DIAPH2: variants seen among roughly 807,000 people sequenced by gnomAD.
The protein encoded by DIAPH2 is protein diaphanous homolog 2.
A neutral mutation model predicts 92.7 loss-of-function variants in DIAPH2; 35 were observed. That is an observed-to-expected ratio of 0.38 (90% CI 0.29 to 0.50). DIAPH2 has a LOEUF of 0.50. Among genes scored for constraint, DIAPH2 ranks in the 20% least tolerant of loss-of-function variants. DIAPH2 has a pLI of 0.94. For synonymous variants in DIAPH2, 301 were observed against 280.4 expected (o/e 1.07, Z -0.73); for missense variants, 701 against 819.5 (o/e 0.86, Z 1.77).
Position 96,943,822 on chromosome X carries a change from G to A in DIAPH2, c.1444+1686G>A, listed in dbSNP as rs745449671. 1.4e-3 allele frequency among the ~76,000 whole-genome samples: 161 copies of A among 111,222 alleles called. 2 individuals carry two copies. In the Admixed American group the frequency reaches 0.015, roughly 11 times the overall value. ...TCAAAAGTGTTGGGTGAGGAGAGAC[G>A]AACGGATCAGGTGAGAGAGGATAGT... On this transcript the variant is annotated intron_variant, in intron 13 of 26. Coordinates refer to ENST00000324765, the MANE Select transcript of DIAPH2 (RefSeq NM_006729.5).
rs1047164743 is a variant in DIAPH2 at position 96,899,424 on chromosome X, C to T, written c.588-12904C>T. Among the ~76,000 whole-genome samples the T allele has an allele frequency of 1.4e-3, 155 of 110,579 alleles. 1 individual carries two copies. The highest frequency in any genetic ancestry group is 4.8e-3 in the African/African-American group (147 of 30,401). ...TCATTGAGCAGTGGTTTGTAGTTCT[C>T]CTTGAAGAGGTCCTTCACATCCCTT... On this transcript the variant is annotated intron_variant, in intron 5 of 26. Transcript: ENST00000324765.
intron 26 of DIAPH2, among the ~76,000 whole-genome samples, chrX:97,538,774 C>G (rs1300676662): frequency 1.8e-5 from 2 of 111,856 alleles, no homozygotes; most frequent in Non-Finnish European, 3.8e-5. Context: ...CAGAAACTCC[C>G]TCTCAAATAA....
At chrX:96,884,190 T>A in intron 5 of DIAPH2, 1 of 556,185 alleles carries the variant, frequency 1.8e-6, no homozygotes, top group Non-Finnish European at 2.8e-6. Flanking sequence ...AATCGTAGCC[T>A]TTCGGACAGC....
chrX:97,296,879 G>A (rs2068648099), intron 23 of DIAPH2, among the ~76,000 whole-genome samples: 1 of 108,378 alleles, frequency 9.2e-6, no homozygotes, highest in Admixed American at 1.0e-4. Flanking sequence ...TCGGGTTCAA[G>A]CGATTCTCCT....
rs180997299 is a variant in DIAPH2, at chrX:96,685,336, C to A, written c.132+146C>A. 122 of 674,197 alleles carry A rather than the reference C, an allele frequency of 1.8e-4. 1 individual carries two copies. The African/African-American group carries it at 2.6e-3, about 14-fold the overall frequency. The allele number at this position is 674,197 out of a possible 1,213,427, so 55.6% of individuals were successfully genotyped here. A position where few individuals can be genotyped will look rare whatever the true frequency, so the allele number is the denominator to read the frequency against. ...ACTCGGGGAGCCGCTAAAGGAGTGG[C>A]CACGCCGAGGCGCGGAGACGGCGTG... On this transcript the variant is annotated intron_variant, in intron 1 of 26. Coordinates refer to ENST00000324765, the MANE Select transcript of DIAPH2 (RefSeq NM_006729.5).
intron 4 of DIAPH2, among the ~76,000 whole-genome samples, chrX:96,876,550 C>A (rs1375691866): frequency 8.9e-6 from 1 of 111,918 alleles, no homozygotes; most frequent in Non-Finnish European, 1.9e-5. Context: ...GGAAATGTGG[C>A]ACATATACAC....
At chrX:96,714,789 A>G (rs1222098186) in intron 1 of DIAPH2, among the ~76,000 whole-genome samples, 1 of 112,180 alleles carries the variant, frequency 8.9e-6, no homozygotes, top group Non-Finnish European at 1.9e-5. Context: ...ATTGATAACT[A>G]TGTTTTGATT....
At chrX:96,707,151 T>TTGATGGATTGATTGAC (rs2063890109) in intron 1 of DIAPH2, among the ~76,000 whole-genome samples, 1 of 108,514 alleles carries the variant, frequency 9.2e-6, no homozygotes, top group Admixed American at 9.8e-5. Context: ...GATTGATTGA[T>TTGATGGATTGATTGAC]TGATGGATTG....
At chrX:97,265,774 T>C (rs971994359) in intron 23 of DIAPH2, among the ~76,000 whole-genome samples, 1 of 111,783 alleles carries the variant, frequency 8.9e-6, no homozygotes, top group Admixed American at 9.5e-5. Context: ...ATCATGTAGG[T>C]CCTTGTTGGC....
chrX:97,563,604 G>A (rs2071307958), intron 26 of DIAPH2, among the ~76,000 whole-genome samples: 1 of 111,900 alleles, frequency 8.9e-6, no homozygotes, highest in African/African-American at 3.2e-5. Context: ...GCTGTTCTGA[G>A]TTCACTGAAA....
intron 4 of DIAPH2, among the ~76,000 whole-genome samples, chrX:96,821,925 C>T (rs1413157009): frequency 1.8e-5 from 2 of 111,924 alleles, no homozygotes; most frequent in Admixed American, 9.5e-5. Flanking sequence ...CATTTTTATA[C>T]ACAAGACATA....
intron 24 of DIAPH2, among the ~76,000 whole-genome samples, chrX:97,361,394 A>G (rs1261674022): frequency 1.8e-5 from 2 of 112,056 alleles, no homozygotes; most frequent in Non-Finnish European, 3.8e-5. Context: ...GTGCTTGTGT[A>G]TGTAGATATT....
chrX:97,547,221 C>T (rs2071188094), intron 26 of DIAPH2, among the ~76,000 whole-genome samples: 2 of 111,453 alleles, frequency 1.8e-5, no homozygotes, highest in Admixed American at 1.9e-4. Flanking sequence ...TGCTAGGGAT[C>T]ATTGGCACCA....
chrX:97,524,497 A>G (rs1170607036), intron 26 of DIAPH2, among the ~76,000 whole-genome samples: 4 of 112,145 alleles, frequency 3.6e-5, no homozygotes, highest in Non-Finnish European at 7.5e-5. Flanking sequence ...ACATACATTC[A>G]TTCAGTAAAT....
intron 26 of DIAPH2, among the ~76,000 whole-genome samples, chrX:97,547,038 T>G (rs2071186670): frequency 8.9e-6 from 1 of 111,895 alleles, no homozygotes; most frequent in Non-Finnish European, 1.9e-5. Context: ...CAACTCCAAA[T>G]TATTCTTATT....
intron 26 of DIAPH2, among the ~76,000 whole-genome samples, chrX:97,462,147 C>T (rs746267494): frequency 8.9e-6 from 1 of 111,806 alleles, no homozygotes; most frequent in Non-Finnish European, 1.9e-5. Flanking sequence ...TGTACTCTTG[C>T]AAAATGCCTA....
chrX:97,582,687 C>T (rs1258617681), intron 26 of DIAPH2, among the ~76,000 whole-genome samples: 2 of 108,293 alleles, frequency 1.8e-5, no homozygotes, highest in African/African-American at 6.7e-5. Context: ...ATCTTTGTGG[C>T]GTTCTCTGTA....
rs550059957 is a variant in DIAPH2, at chrX:97,428,760, A to G, written c.3146-890A>G. Among the ~76,000 whole-genome samples, 5 of 111,070 alleles carry G rather than the reference A, an allele frequency of 4.5e-5. No homozygotes were observed. The South Asian group carries it at 1.9e-3, about 42-fold the overall frequency. Reference sequence around the variant, plus strand: ...CCACCTATTTAGGGTCCTTTTCATCAGCTAGGCCAGTTAGGAAGAGCAGGC... The same window carrying G: ...CCACCTATTTAGGGTCCTTTTCATCGGCTAGGCCAGTTAGGAAGAGCAGGC... On this transcript the variant is annotated intron_variant, in intron 25 of 26. Transcript: ENST00000324765.
chrX:97,346,480 A>G (rs776548773), intron 23 of DIAPH2, among the ~76,000 whole-genome samples: 1 of 109,991 alleles, frequency 9.1e-6, no homozygotes, highest in Non-Finnish European at 1.9e-5. Flanking sequence ...TATAGAGGAA[A>G]AGTAGTTTCT....
Sources: gnomAD v4.1 joint callset for allele counts (sites outside exome capture counted in the v4.1 genomes callset) on GRCh38, gnomAD v4.1.1 for gene constraint, MANE v1.5 for transcripts, NCBI Gene and HGNC (gene_info 2026-07-23, HGNC 2026-07-21) for gene names.